The following REV3L variants were observed in gnomAD, a reference collection of about 807,000 sequenced individuals.
REV3L encodes DNA polymerase zeta catalytic subunit.
In REV3L, 69 loss-of-function variants were observed where a neutral mutation model predicts 299.4. That is an observed-to-expected ratio of 0.23 (90% CI 0.19 to 0.28). The LOEUF is 0.28. Among genes scored for constraint, REV3L ranks in the 10% least tolerant of loss-of-function variants. REV3L has a pLI of 1.00. For missense variants in REV3L, 3,128 were observed against 3,693.8 expected, an observed-to-expected ratio of 0.85 and a Z score of 3.97; for synonymous variants, 1,238 against 1,271.4, an observed-to-expected ratio of 0.97 and a Z score of 0.56.
chr6:111,390,046 A>T (rs762564927), intron 6 of REV3L, 40 bp downstream of exon 6: 2 of 1,427,626 alleles, frequency 1.4e-6, no homozygotes, highest in African/African-American at 2.9e-5. Context: ...CATTAATTTT[A>T]AAAAATAAAA....
intron 21 of REV3L, among the ~76,000 whole-genome samples, chr6:111,343,481 G>C (rs1435681076): frequency 6.6e-6 from 1 of 152,152 alleles, no homozygotes; most frequent in Non-Finnish European, 1.5e-5. Flanking sequence ...GGAGTAATGA[G>C]TACAAGATAA....
chr6:111,328,250 T>C (rs564991128), intron 25 of REV3L, among the ~76,000 whole-genome samples: 3 of 152,336 alleles, frequency 2.0e-5, no homozygotes, highest in South Asian at 2.1e-4. Flanking sequence ...TTATTCTGAC[T>C]TAAAAAATTT....
At chr6:111,401,276 A>AT in intron 4 of REV3L, among the ~76,000 whole-genome samples, 1 of 152,320 alleles carries the variant, frequency 6.6e-6, no homozygotes, top group East Asian at 1.9e-4. Context: ...CTTCACAAAG[A>AT]TGGGAGAAAT....
chr6:111,386,717 A>ATTT (rs67124715), intron 9 of REV3L, among the ~76,000 whole-genome samples: 215 of 97,638 alleles, frequency 2.2e-3, no homozygotes, highest in Middle Eastern at 6.9e-3. Context: ...TAACAGCACT[A>ATTT]TTTTTTTTTT....
chr6:111,460,859 T>C (rs1469248691), intron 1 of REV3L, among the ~76,000 whole-genome samples: 1 of 152,138 alleles, frequency 6.6e-6, no homozygotes, highest in African/African-American at 2.4e-5. Flanking sequence ...AAGATTACGA[T>C]GAAGCTGAAA....
intron 31 of REV3L, among the ~76,000 whole-genome samples, chr6:111,301,850 TAAA>T (rs1256343460): frequency 6.6e-6 from 1 of 151,850 alleles, no homozygotes; most frequent in African/African-American, 2.4e-5. Context: ...ATGAAGAACA[TAAA>T]AAAATTAAAA....
intron 16 of REV3L, among the ~76,000 whole-genome samples, chr6:111,362,961 A>G (rs1313041442): frequency 6.6e-6 from 1 of 152,250 alleles, no homozygotes; most frequent in Non-Finnish European, 1.5e-5. Flanking sequence ...AGGTGTAAAC[A>G]ATGAAAACAT....
At chr6:111,344,380 T>C (rs984132800) in intron 20 of REV3L, among the ~76,000 whole-genome samples, 1 of 152,184 alleles carries the variant, frequency 6.6e-6, no homozygotes, top group Non-Finnish European at 1.5e-5. Context: ...AGCAAATTAA[T>C]TTTTTGTTCT....
chr6:111,338,311 C>CT (rs1776115188), intron 21 of REV3L, among the ~76,000 whole-genome samples: 8 of 49,034 alleles, frequency 1.6e-4, no homozygotes, highest in African/African-American at 2.5e-4. Flanking sequence ...AGTCTAAAGT[C>CT]CTTTTTTTTT....
chr6:111,470,914 A>T (rs766535057), intron 1 of REV3L, among the ~76,000 whole-genome samples: 3 of 152,158 alleles, frequency 2.0e-5, no homozygotes, highest in Non-Finnish European at 4.4e-5. Context: ...CGGGAGGTGG[A>T]GGTTGCACGG....
chr6:111,394,465 A>C (rs1782264262), intron 4 of REV3L, among the ~76,000 whole-genome samples: 1 of 151,814 alleles, frequency 6.6e-6, no homozygotes, highest in African/African-American at 2.4e-5. Context: ...TTCAGATACG[A>C]AACTATTTTT....
At chr6:111,400,271 C>T (rs1208582056) in intron 4 of REV3L, among the ~76,000 whole-genome samples, 2 of 152,128 alleles carry the variant, frequency 1.3e-5, no homozygotes, top group Non-Finnish European at 1.5e-5. Context: ...ATCACTGGGT[C>T]GCACTCTAAG....
In REV3L at chr6:111,469,081, G is replaced by C. The variant is rs370513461; in HGVS notation, c.139+13669C>G. ...GGAGGCTGAGGTGGGAGAATAGCCTGAACCCAGGAGGTGAAGGTGGCAGTG... is the reference window on the plus strand; with the variant it reads ...GGAGGCTGAGGTGGGAGAATAGCCTCAACCCAGGAGGTGAAGGTGGCAGTG... On this transcript the variant is annotated intron_variant, in intron 1 of 31. Coordinates refer to ENST00000368802, the MANE Select transcript of REV3L (RefSeq NM_001372078.1). Among the ~76,000 whole-genome samples the C allele has an allele frequency of 2.0e-4, 30 of 152,292 alleles. No homozygotes were observed. In the South Asian group the frequency reaches 6.2e-3, roughly 32 times the overall value.
At chr6:111,389,659 C>T (rs1329278654) in intron 6 of REV3L, among the ~76,000 whole-genome samples, 1 of 151,474 alleles carries the variant, frequency 6.6e-6, no homozygotes, top group African/African-American at 2.4e-5. Context: ...TTGTATCCTC[C>T]TTCTATAATA....
In REV3L at chr6:111,317,423, C is replaced by T. The variant is rs182514174; in HGVS notation, c.8352-2042G>A. On this transcript the variant is annotated intron_variant, in intron 26 of 31. Transcript: ENST00000368802. The stretch of plus-strand genomic sequence containing the variant: ...CCTTCAATCTAGGCTATACTTCGAA[C>T]CATCTGAAGGTTTTTTTTAGTTTCT... 7.9e-5 allele frequency among the ~76,000 whole-genome samples: 12 copies of T among 152,266 alleles called. No homozygotes were observed. The East Asian group carries it at 1.2e-3, about 15-fold the overall frequency.
chr6:111,363,837 A>G lies in REV3L; in HGVS notation c.6879+16T>C. The G allele has an allele frequency of 6.2e-7, 1 of 1,611,420 alleles. No individual in the cohort carries two copies. The highest frequency in any genetic ancestry group is 8.5e-7 in the Non-Finnish European group (1 of 1,179,096). ...AACTGAACACAATGTATGTGTCCTTACTGTTGCAGTTTTACCTCATGTAAA... is the reference window on the plus strand; with the variant it reads ...AACTGAACACAATGTATGTGTCCTTGCTGTTGCAGTTTTACCTCATGTAAA... On this transcript the variant is annotated intron_variant, in intron 16 of 31. Transcript: ENST00000368802.
intron 29 of REV3L, chr6:111,310,506 A>AT (rs1772853978): frequency 6.3e-6 from 1 of 157,762 alleles, no homozygotes; most frequent in African/African-American, 2.4e-5. Flanking sequence ...ATTAGCCACC[A>AT]TAATGGTGCA....
intron 22 of REV3L, 141 bp from the exon 23 acceptor site, chr6:111,333,508 CTT>C (rs1775596665): frequency 1.8e-6 from 2 of 1,095,116 alleles, no homozygotes; most frequent in South Asian, 1.7e-5. Context: ...GTGTTTCGCT[CTT>C]GTTGCCCAAG....
At chr6:111,436,223 A>C (rs1787534486) in intron 1 of REV3L, among the ~76,000 whole-genome samples, 1 of 152,230 alleles carries the variant, frequency 6.6e-6, no homozygotes, top group South Asian at 2.1e-4. Context: ...AAATTAGTAC[A>C]GTTACTATGG....
Sources: allele counts gnomAD v4.1 joint callset (sites outside exome capture counted in the v4.1 genomes callset), GRCh38; gene constraint gnomAD v4.1.1; transcripts MANE v1.5; gene names NCBI Gene and HGNC (gene_info 2026-07-23, HGNC 2026-07-21).